Variants in PDZD2 observed in about 807,000 individuals in gnomAD.
The protein encoded by PDZD2 is PDZ domain containing 2.
PDZD2 carries 90 observed loss-of-function variants against 220.7 expected under a neutral mutation model. The observed-to-expected ratio is 0.41, with a 90% confidence interval of 0.34 to 0.49. The LOEUF (loss-of-function observed/expected upper bound fraction) is 0.49. PDZD2 is among the 20% of genes least tolerant of loss of function. PDZD2 has a pLI of 0.28. For missense variants in PDZD2, 3,174 were observed against 3,608.5 expected, an observed-to-expected ratio of 0.88 and a Z score of 3.08; for synonymous variants, 1,375 against 1,450.5, an observed-to-expected ratio of 0.95 and a Z score of 1.18.
rs1490249765 is a variant in PDZD2 at position 32,052,603 on chromosome 5, AC to A, written c.1666-7del. 4.3e-6 allele frequency: 7 copies of A among 1,613,516 alleles called. No homozygotes were observed. The African/African-American group carries it at 6.7e-5, about 15-fold the overall frequency. On this transcript the variant is annotated splice_region_variant and splice_polypyrimidine_tract_variant and intron_variant, in intron 8 of 24. Coordinates refer to ENST00000438447, the MANE Select transcript of PDZD2 (RefSeq NM_178140.4). ...TAATCTCTGACCTTGCCGTGTGCTG[AC>A]TTTTAGGAATACCACATTGTGAAGA...
At chr5:31,691,683 G>A (rs489804) in intron 1 of PDZD2, among the ~76,000 whole-genome samples, 55,551 of 151,394 alleles carry the variant, frequency 0.37, 10,456 homozygotes, top group African/African-American at 0.43. Context: ...TACAATCCCT[G>A]AGCTAGACAC....
chr5:31,694,323 C>G (rs1480926523), intron 1 of PDZD2, among the ~76,000 whole-genome samples: 1 of 152,012 alleles, frequency 6.6e-6, no homozygotes, highest in African/African-American at 2.4e-5. Context: ...ACCCAAGAGG[C>G]GGAGGTTGCA....
chr5:31,760,604 C>T lies in PDZD2; in HGVS notation c.-360-38285C>T, dbSNP rs183014888. Among the ~76,000 whole-genome samples the T allele has an allele frequency of 1.2e-4, 19 of 152,226 alleles. No individual in the cohort carries two copies. The East Asian group carries it at 3.7e-3, about 29-fold the overall frequency. On this transcript the variant is annotated intron_variant, in intron 1 of 24. Transcript: ENST00000438447. ...TGTATCCTAAGCACTTAGTCCCCAG[C>T]ACAGAGTCACTGCAATAAATATTTG...
At position 32,110,749 on chromosome 5, in the gene PDZD2, A is replaced by C. The variant is rs1164892549; in HGVS notation, c.*2614A>C. 1 of 152,654 alleles carries C rather than the reference A, an allele frequency of 6.6e-6. No individual in the cohort carries two copies. The highest frequency in any genetic ancestry group is 1.9e-4 in the East Asian group (1 of 5,204). The allele number at this position is 152,654 out of a possible 1,614,324, so 9.5% of individuals were successfully genotyped here. The stretch of plus-strand genomic sequence containing the variant: ...TTAATTGGCACCATAACTTTGTATG[A>C]TATTATACATTAACCTTTATTTATG... On this transcript the variant is annotated 3_prime_UTR_variant, in exon 25 of 25. Transcript: ENST00000438447.
chr5:31,791,262 T>G (rs1753707648), intron 1 of PDZD2, among the ~76,000 whole-genome samples: 1 of 152,082 alleles, frequency 6.6e-6, no homozygotes, highest in South Asian at 2.1e-4. Context: ...GATTGCTTAC[T>G]GAGTTGGGGA....
Position 32,090,620 on chromosome 5 carries a change from G to A in PDZD2, c.7172G>A (p.Arg2391Lys). 1 of 1,614,146 alleles carries A rather than the reference G, an allele frequency of 6.2e-7. No individual in the cohort carries two copies. Among genetic ancestry groups the A allele is most frequent in the Non-Finnish European group, 8.5e-7 (1 of 1,180,030 alleles). The change falls in exon 20 of 25, where the codon AGG (arginine) becomes AAG (lysine). Residue 2391 changes from arginine (R) to lysine (K), a missense_variant. Around this residue, in one of 4 missense-constraint regions of PDZD2, gnomAD observed 631 missense variants for 789.9 expected, o/e 0.80. Coordinates refer to ENST00000438447, the MANE Select transcript of PDZD2 (RefSeq NM_178140.4). The surrounding 1 kb of genome is among the most constrained non-coding windows in gnomAD (Gnocchi z 4.3). ...GGCCACCCAGGTGACGCAGCAGCAA[G>A]GTTGTTGAGACGCAGCTTGAGTTCC... ...SLGHPGDAAA[R>K]LLRRSLSSCS...
intron 2 of PDZD2, chr5:31,854,916 G>GGA: frequency 1.2e-6 from 1 of 807,830 alleles, no homozygotes; most frequent in Non-Finnish European, 1.5e-6. Context: ...GGAGGGAGGA[G>GGA]GGGGGGGTCC....
chr5:31,888,613 G>T (rs1159021624), intron 2 of PDZD2, among the ~76,000 whole-genome samples: 4 of 152,148 alleles, frequency 2.6e-5, no homozygotes, highest in Non-Finnish European at 4.4e-5. Flanking sequence ...ACTCTACAAG[G>T]CATGTGAAAT....
In PDZD2 at chr5:32,048,670, T is replaced by C. The variant is rs1179321597; in HGVS notation, c.1651T>C (p.Ser551Pro). ...CTCCCTCCCGCAGCTGCTGGACTCT[T>C]CCAGTGCCTCACAGGTCCGACCAGG... ...KHSLPQLLDS[S>P]SASQEYHIVK... The change falls in exon 8 of 25, where the codon TCC (serine) becomes CCC (proline). Residue 551 changes from serine (S) to proline (P), a missense_variant. This residue lies in a region of PDZD2 where 632 missense variants were observed against 708.1 expected (regional missense o/e 0.89). Coordinates refer to ENST00000438447, the MANE Select transcript of PDZD2 (RefSeq NM_178140.4). 1 of 1,614,010 alleles carries C rather than the reference T, an allele frequency of 6.2e-7. No individual in the cohort carries two copies. Among genetic ancestry groups the C allele is most frequent in the South Asian group, 1.1e-5 (1 of 91,062 alleles).
intron 1 of PDZD2, among the ~76,000 whole-genome samples, chr5:31,776,166 C>T (rs116655952): frequency 1.3e-5 from 2 of 152,312 alleles, no homozygotes; most frequent in African/African-American, 2.4e-5. Flanking sequence ...CCCTAGGTCT[C>T]TGCCGTTCCC....
intron 1 of PDZD2, among the ~76,000 whole-genome samples, chr5:31,764,243 A>G (rs1477988745): frequency 1.3e-5 from 2 of 152,248 alleles, no homozygotes; most frequent in Non-Finnish European, 2.9e-5. Context: ...TCCTTCCTTC[A>G]GATGTGAAAA....
intron 6 of PDZD2, among the ~76,000 whole-genome samples, chr5:32,017,795 T>G (rs554779187): frequency 1.3e-5 from 2 of 151,702 alleles, no homozygotes; most frequent in Admixed American, 1.3e-4. Flanking sequence ...CCAGGGGGAG[T>G]TGGTGAAGAA....
chr5:32,005,201 T>C (rs1355942578), intron 5 of PDZD2, among the ~76,000 whole-genome samples: 1 of 152,210 alleles, frequency 6.6e-6, no homozygotes, highest in Non-Finnish European at 1.5e-5. Flanking sequence ...ACTTGCTGAA[T>C]ATAAAGAAAA....
chr5:32,053,716 C>T (rs915485506), intron 9 of PDZD2, 53 bp from the exon 10 acceptor site: 1 of 967,052 alleles, frequency 1.0e-6, no homozygotes, highest in Non-Finnish European at 1.7e-6. Context: ...GGAAAGATGC[C>T]CTCAGTTAAA....
rs751664417 is a variant in PDZD2 at position 31,799,433 on chromosome 5, G to T, written c.185G>T (p.Ser62Ile). ...GAGAGTACGGTCCCACCTGATCACA[G>T]CCCCCCCGAAATGGAGATCTGTACT... ...VDESTVPPDHSPPEMEICTVY... is the reference protein window; with the variant it reads ...VDESTVPPDHIPPEMEICTVY... Residue 62 changes from serine to isoleucine, a missense_variant, in exon 2 of 25, where the codon AGC (serine) becomes ATC (isoleucine). By Grantham distance (142) the Ser-to-Ile change is moderately radical. This residue lies in a region of PDZD2 where 632 missense variants were observed against 708.1 expected (regional missense o/e 0.89). Transcript: ENST00000438447. 42 of 1,614,072 alleles carry T rather than the reference G, an allele frequency of 2.6e-5. 1 individual carries two copies. The East Asian group carries it at 8.7e-4, about 33-fold the overall frequency.
chr5:31,921,401 A>C (rs1744239962), intron 2 of PDZD2, among the ~76,000 whole-genome samples: 2 of 152,246 alleles, frequency 1.3e-5, no homozygotes, highest in Admixed American at 1.3e-4. Flanking sequence ...GAAGCTCTTA[A>C]GGCCGGGTGC....
chr5:31,809,780 G>C (rs527896823), intron 2 of PDZD2, among the ~76,000 whole-genome samples: 2 of 152,128 alleles, frequency 1.3e-5, no homozygotes, highest in Admixed American at 1.3e-4. Flanking sequence ...GTTTTTATGA[G>C]GGAAGAGATT....
chr5:31,740,243 G>A (rs1750163589), intron 1 of PDZD2, among the ~76,000 whole-genome samples: 1 of 152,008 alleles, frequency 6.6e-6, no homozygotes, highest in South Asian at 2.1e-4. Context: ...GCTGTTGGCT[G>A]GGTGCGGTGG....
intron 2 of PDZD2, among the ~76,000 whole-genome samples, chr5:31,891,932 A>T: frequency 6.7e-6 from 1 of 149,218 alleles, no homozygotes. Flanking sequence ...TTGCGGGGGG[A>T]CAGGGTCTCA....
Sources: allele counts gnomAD v4.1 joint callset (sites outside exome capture counted in the v4.1 genomes callset), GRCh38; gene constraint gnomAD v4.1.1; regional missense constraint gnomAD v4.1.1; non-coding constraint Gnocchi (gnomAD v3.1); transcripts MANE v1.5; gene names NCBI Gene and HGNC (gene_info 2026-07-23, HGNC 2026-07-21).